Variants in ATP10B observed in about 807,000 individuals in gnomAD.
ATP10B encodes phospholipid-transporting ATPase VB.
Under a neutral mutation model 141.2 loss-of-function variants are expected in ATP10B, and 122 were observed. The ratio of observed to expected loss-of-function variants is 0.86; its 90% CI spans 0.75 to 1.00. The LOEUF is 1.00. ATP10B is among the 50% of genes least tolerant of loss of function. ATP10B has a pLI of 0.00. For synonymous variants in ATP10B, 685 were observed against 692.0 expected, an observed-to-expected ratio of 0.99 and a Z score of 0.16; for missense variants, 1,876 against 1,825.3, an observed-to-expected ratio of 1.03 and a Z score of -0.51.
intron 9 of ATP10B, among the ~76,000 whole-genome samples, chr5:160,640,983 G>T (rs1254279223): frequency 6.6e-6 from 1 of 152,184 alleles, no homozygotes; most frequent in Non-Finnish European, 1.5e-5. Context: ...TTGCACAAAG[G>T]TTCTGTTCCA....
intron 17 of ATP10B, 95 bp downstream of exon 17, chr5:160,615,743 G>A: frequency 6.8e-7 from 1 of 1,479,300 alleles, no homozygotes; most frequent in South Asian, 1.3e-5. Context: ...GCTGCTAATG[G>A]AGACATATTA....
At chr5:160,898,275 A>G in the ATP10B span, among the ~76,000 whole-genome samples, 1 of 152,198 alleles carries the variant, frequency 6.6e-6, no homozygotes, top group Non-Finnish European at 1.5e-5. Flanking sequence ...AATATCCAGA[A>G]TCTACAAGAA....
intron 7 of ATP10B, among the ~76,000 whole-genome samples, chr5:160,652,786 A>G (rs1392793919): frequency 1.8e-5 from 2 of 112,432 alleles, no homozygotes; most frequent in Non-Finnish European, 3.4e-5. Flanking sequence ...AAATATATAT[A>G]AAAATATATA....
rs186647461 is a variant in ATP10B at position 160,825,723 on chromosome 5, G to A, written c.-576+26218C>T. 2.3e-3 allele frequency among the ~76,000 whole-genome samples: 350 copies of A among 152,168 alleles called. 1 individual carries two copies. The highest frequency in any genetic ancestry group is 8.1e-3 in the African/African-American group (335 of 41,526). On this transcript the variant is annotated intron_variant, in intron 1 of 25. Coordinates refer to ENST00000327245, the MANE Select transcript of ATP10B (RefSeq NM_025153.3). The stretch of plus-strand genomic sequence containing the variant: ...TTTAGATACGGGGATACATGTGCAG[G>A]TTTATTACATGGTATACTGTATCCA...
chr5:160,607,912 G>T (rs1206544737), intron 18 of ATP10B, among the ~76,000 whole-genome samples: 2 of 152,068 alleles, frequency 1.3e-5, no homozygotes, highest in Non-Finnish European at 2.9e-5. Context: ...AATCATGGCA[G>T]AAAACAGCAT....
At chr5:160,889,918 G>A in the ATP10B span, among the ~76,000 whole-genome samples, 1 of 152,062 alleles carries the variant, frequency 6.6e-6, no homozygotes, top group Admixed American at 6.6e-5. Flanking sequence ...CCTACCCTGA[G>A]GCCTTTGCAT....
chr5:160,611,432 C>A (rs1290256999), intron 18 of ATP10B, among the ~76,000 whole-genome samples: 1 of 152,084 alleles, frequency 6.6e-6, no homozygotes, highest in African/African-American at 2.4e-5. Context: ...GCACAGGGAT[C>A]AAGCATTCAA....
chr5:160,907,708 T>C, the ATP10B span, among the ~76,000 whole-genome samples: 5 of 152,156 alleles, frequency 3.3e-5, no homozygotes, highest in Non-Finnish European at 7.3e-5. Context: ...CTTAAGTCCA[T>C]TGCAAAGTTG....
chr5:160,808,862 C>T (rs1772958930), intron 1 of ATP10B, among the ~76,000 whole-genome samples: 1 of 152,104 alleles, frequency 6.6e-6, no homozygotes, highest in African/African-American at 2.4e-5. Context: ...TCTGGAGGCT[C>T]GAAGTCTGAA....
chr5:160,683,616 G>T (rs1422569710), intron 6 of ATP10B, among the ~76,000 whole-genome samples: 1 of 152,238 alleles, frequency 6.6e-6, no homozygotes, highest in African/African-American at 2.4e-5. Flanking sequence ...ACCAGAGCCA[G>T]TGCGGAATGT....
chr5:160,721,476 A>G (rs1765997735), intron 2 of ATP10B, among the ~76,000 whole-genome samples: 1 of 152,202 alleles, frequency 6.6e-6, no homozygotes, highest in South Asian at 2.1e-4. Context: ...CAAGATTTCC[A>G]GTGAAGCTTC....
At chr5:160,897,009 C>T in the ATP10B span, among the ~76,000 whole-genome samples, 10 of 152,260 alleles carry the variant, frequency 6.6e-5, no homozygotes, top group Non-Finnish European at 1.2e-4. Context: ...ATGCTAAAAC[C>T]TCTCAATAAA....
At chr5:160,680,060 G>T (rs1248506434) in intron 6 of ATP10B, among the ~76,000 whole-genome samples, 1 of 152,178 alleles carries the variant, frequency 6.6e-6, no homozygotes, top group Admixed American at 6.5e-5. Flanking sequence ...TAACGGGATT[G>T]TAATTCTGTC....
intron 2 of ATP10B, among the ~76,000 whole-genome samples, chr5:160,736,639 A>G (rs1314085145): frequency 6.6e-6 from 1 of 152,184 alleles, no homozygotes; most frequent in African/African-American, 2.4e-5. Flanking sequence ...GTACGCCTGT[A>G]GTCCCAACTA....
intron 16 of ATP10B, 24 bp from the exon 17 acceptor site, chr5:160,615,988 T>C: frequency 6.2e-7 from 1 of 1,605,384 alleles, no homozygotes; most frequent in Non-Finnish European, 8.5e-7. Context: ...AAAGGCTCCT[T>C]AACAATCTTG....
intron 2 of ATP10B, among the ~76,000 whole-genome samples, chr5:160,724,990 G>C (rs2127786165): frequency 6.6e-6 from 1 of 152,246 alleles, no homozygotes; most frequent in East Asian, 1.9e-4. Context: ...ACTTTTGTCT[G>C]TTTTGTTCAT....
intron 1 of ATP10B, among the ~76,000 whole-genome samples, chr5:160,816,531 A>G (rs887764039): frequency 6.6e-6 from 1 of 152,084 alleles, no homozygotes; most frequent in Non-Finnish European, 1.5e-5. Context: ...ACCAAAAAAA[A>G]TCCAGGACCA....
At chr5:160,913,717 G>T in the ATP10B span, among the ~76,000 whole-genome samples, 3 of 152,232 alleles carry the variant, frequency 2.0e-5, no homozygotes, top group South Asian at 6.2e-4. Flanking sequence ...TTATGCTCTT[G>T]CACTTTTTAT....
intron 22 of ATP10B, among the ~76,000 whole-genome samples, chr5:160,592,309 A>G (rs1046169387): frequency 6.6e-6 from 1 of 152,204 alleles, no homozygotes; most frequent in Non-Finnish European, 1.5e-5. Context: ...TGGGGGTTCT[A>G]TAGATGCATC....
Sources: allele counts gnomAD v4.1 joint callset (sites outside exome capture counted in the v4.1 genomes callset), GRCh38; gene constraint gnomAD v4.1.1; transcripts MANE v1.5; gene names NCBI Gene and HGNC (gene_info 2026-07-23, HGNC 2026-07-21).